The following STT3B variants were observed in gnomAD, a reference collection of about 807,000 sequenced individuals.
The protein encoded by STT3B is STT3 oligosaccharyltransferase complex catalytic subunit B.
In STT3B, 29 loss-of-function variants were observed where a neutral mutation model predicts 96.8. That is an observed-to-expected ratio of 0.30 (90% confidence interval 0.22 to 0.41). STT3B has a LOEUF of 0.41. STT3B is among the 10% of genes least tolerant of loss of function. The pLI is 1.00. For missense variants in STT3B, 640 were observed against 1,022.3 expected, an observed-to-expected ratio of 0.63 and a Z score of 5.10; for synonymous variants, 367 against 360.0, an observed-to-expected ratio of 1.02 and a Z score of -0.22.
rs745980194 is a variant in STT3B, at chr3:31,550,684, C to T, written c.314+17372C>T. Among the ~76,000 whole-genome samples, 185 of 152,234 alleles carry T rather than the reference C, an allele frequency of 1.2e-3. 2 individuals are homozygous for T. Among genetic ancestry groups the T allele is most frequent in the Non-Finnish European group, 1.4e-3 (96 of 68,014 alleles). On this transcript the variant is annotated intron_variant, in intron 1 of 15. Transcript: ENST00000295770. ...TTGAGCATAACTCTCTCATGAGTTT[C>T]CATATTTTAAGTTATAAAATTGGCT...
intron 11 of STT3B, 46 bp downstream of exon 11, chr3:31,623,907 T>G (rs747104032): frequency 7.1e-7 from 1 of 1,413,766 alleles, no homozygotes; most frequent in South Asian, 1.4e-5. Flanking sequence ...CTTACACTTC[T>G]TTTTCGTTGT....
intron 1 of STT3B, among the ~76,000 whole-genome samples, chr3:31,574,157 A>C (rs1698215925): frequency 6.6e-6 from 1 of 152,152 alleles, no homozygotes; most frequent in Admixed American, 6.6e-5. Flanking sequence ...TTGCTAAAAT[A>C]CTAGGCCTCT....
rs1699447837 is a variant in STT3B at position 31,622,289 on chromosome 3, A to C, written c.1520A>C (p.Gln507Pro). ...DSSDEDDKRNQGNLYDKAGKV... is the reference protein window; with the variant it reads ...DSSDEDDKRNPGNLYDKAGKV... Reference sequence around the variant, plus strand: ...AGTGATGAGGATGACAAAAGAAACCAAGGAAATTTGTATGATAAGGTGGGG... The same window carrying C: ...AGTGATGAGGATGACAAAAGAAACCCAGGAAATTTGTATGATAAGGTGGGG... The change falls in exon 10 of 16, where the codon CAA becomes CCA. Residue 507 changes from glutamine to proline, a missense_variant. By Grantham distance (76) the Gln-to-Pro change is moderately conservative. Around this residue, in one of 8 missense-constraint regions of STT3B, gnomAD observed 149 missense variants for 250.2 expected, o/e 0.60. Transcript: ENST00000295770. The C allele has an allele frequency of 6.2e-7, 1 of 1,614,060 alleles. No homozygotes were observed. The highest frequency in any genetic ancestry group is 8.5e-7 in the Non-Finnish European group (1 of 1,179,912).
chr3:31,614,988 A>G (rs1699274305), intron 5 of STT3B, 117 bp from the exon 6 acceptor site: 1 of 543,838 alleles, frequency 1.8e-6, no homozygotes, highest in African/African-American at 2.0e-5. Context: ...TCATTTCAAG[A>G]TTCTGTTCTT....
intron 1 of STT3B, among the ~76,000 whole-genome samples, chr3:31,562,340 T>C (rs1274815060): frequency 6.6e-6 from 1 of 152,174 alleles, no homozygotes; most frequent in African/African-American, 2.4e-5. Flanking sequence ...CTAGCTCTGC[T>C]GGTAGTGGCA....
At chr3:31,566,579 C>G (rs957698833) in intron 1 of STT3B, among the ~76,000 whole-genome samples, 3 of 152,140 alleles carry the variant, frequency 2.0e-5, no homozygotes, top group Non-Finnish European at 4.4e-5. Context: ...CACCTCAAGG[C>G]CTTTGCACTT....
At chr3:31,604,705 A>C (rs1162663173) in intron 5 of STT3B, among the ~76,000 whole-genome samples, 1 of 152,252 alleles carries the variant, frequency 6.6e-6, no homozygotes, top group Admixed American at 6.5e-5. Context: ...TGTGAAAATC[A>C]GTTTGGACTT....
chr3:31,583,065 T>G (rs1475547074), intron 3 of STT3B, among the ~76,000 whole-genome samples: 3 of 152,198 alleles, frequency 2.0e-5, no homozygotes. Context: ...CTAGTTGGTT[T>G]GTTGTGTTAA....
intron 8 of STT3B, 48 bp from the exon 9 acceptor site, chr3:31,619,628 C>T (rs1699384472): frequency 6.6e-7 from 1 of 1,509,820 alleles, no homozygotes; most frequent in Admixed American, 1.8e-5. Flanking sequence ...AAAAGGAACT[C>T]CTGTTTTATC....
intron 14 of STT3B, among the ~76,000 whole-genome samples, chr3:31,632,486 A>G (rs1699684094): frequency 6.6e-6 from 1 of 152,190 alleles, no homozygotes. Context: ...TAATCTCAAG[A>G]AAATATTTCC....
At chr3:31,555,828 A>G (rs1274538557) in intron 1 of STT3B, among the ~76,000 whole-genome samples, 2 of 152,160 alleles carry the variant, frequency 1.3e-5, no homozygotes, top group Non-Finnish European at 2.9e-5. Context: ...GCATACATAG[A>G]ATGTGTAATG....
At chr3:31,552,175 A>C (rs1383500135) in intron 1 of STT3B, among the ~76,000 whole-genome samples, 1 of 152,258 alleles carries the variant, frequency 6.6e-6, no homozygotes, top group Non-Finnish European at 1.5e-5. Flanking sequence ...TTTGTTTAAA[A>C]TTGCTGTATA....
chr3:31,582,408 C>A (rs1205729488), intron 3 of STT3B, among the ~76,000 whole-genome samples: 1 of 151,410 alleles, frequency 6.6e-6, no homozygotes, highest in Non-Finnish European at 1.5e-5. Flanking sequence ...CGATTCTCTG[C>A]CTCAGCCTCC....
At chr3:31,624,013 A>G in intron 11 of STT3B, 152 bp downstream of exon 11, 2 of 616,312 alleles carry the variant, frequency 3.2e-6, no homozygotes, top group Non-Finnish European at 5.3e-6. Context: ...GTACACAGTA[A>G]ATACATAATT....
intron 1 of STT3B, among the ~76,000 whole-genome samples, chr3:31,563,556 T>C (rs1697930514): frequency 6.6e-6 from 1 of 152,214 alleles, no homozygotes; most frequent in African/African-American, 2.4e-5. Flanking sequence ...ATGGGGCCAC[T>C]ACTGTAGATT....
At chr3:31,549,888 T>C (rs1459918593) in intron 1 of STT3B, among the ~76,000 whole-genome samples, 1 of 152,210 alleles carries the variant, frequency 6.6e-6, no homozygotes, top group Non-Finnish European at 1.5e-5. Context: ...ATTATTTAGA[T>C]TTCCATCTCT....
intron 1 of STT3B, among the ~76,000 whole-genome samples, chr3:31,535,737 A>G (rs1697076391): frequency 6.6e-6 from 1 of 152,154 alleles, no homozygotes; most frequent in Admixed American, 6.5e-5. Context: ...AAAAGAAAAT[A>G]TGTTTTGCTT....
At chr3:31,565,143 G>T (rs564206997) in intron 1 of STT3B, among the ~76,000 whole-genome samples, 3 of 152,130 alleles carry the variant, frequency 2.0e-5, no homozygotes, top group Non-Finnish European at 4.4e-5. Context: ...CATGTATAAC[G>T]TGTATTACAA....
intron 13 of STT3B, among the ~76,000 whole-genome samples, chr3:31,628,878 G>C (rs1159247214): frequency 6.6e-6 from 1 of 152,124 alleles, no homozygotes. Context: ...ATTTTGGGAG[G>C]CCAATCACTT....
Sources: allele counts gnomAD v4.1 joint callset (sites outside exome capture counted in the v4.1 genomes callset), GRCh38; gene constraint gnomAD v4.1.1; regional missense constraint gnomAD v4.1.1; transcripts MANE v1.5; gene names NCBI Gene and HGNC (gene_info 2026-07-23, HGNC 2026-07-21).